GRIK1: variants seen among roughly 807,000 people sequenced by gnomAD.
GRIK1 encodes the protein glutamate receptor ionotropic, kainate 1.
In GRIK1, 69 loss-of-function variants were observed where a neutral mutation model predicts 105.7. The observed-to-expected ratio is 0.65, with a 90% CI of 0.54 to 0.80. GRIK1 has a LOEUF of 0.80. Among genes scored for constraint, GRIK1 ranks in the 30% least tolerant of loss-of-function variants. GRIK1 has a pLI of 0.00. For missense variants in GRIK1, 1,109 were observed against 1,167.3 expected, an observed-to-expected ratio of 0.95 and a Z score of 0.73; for synonymous variants, 438 against 431.3, an observed-to-expected ratio of 1.02 and a Z score of -0.19.
chr21:29,706,927 A>G (rs573933697), intron 1 of GRIK1, among the ~76,000 whole-genome samples: 1 of 151,704 alleles, frequency 6.6e-6, no homozygotes, highest in Non-Finnish European at 1.5e-5. Flanking sequence ...TGCAGTGGTG[A>G]GATCTCAGCT....
intron 6 of GRIK1, among the ~76,000 whole-genome samples, chr21:29,648,361 ATTATT>A (rs988698900): frequency 2.6e-5 from 4 of 152,198 alleles, no homozygotes; most frequent in African/African-American, 9.7e-5. Context: ...AAAAAACACT[ATTATT>A]TTAAAGTAAT....
At chr21:29,845,479 C>A (rs1399587792) in intron 1 of GRIK1, among the ~76,000 whole-genome samples, 1 of 151,980 alleles carries the variant, frequency 6.6e-6, no homozygotes, top group African/African-American at 2.4e-5. Flanking sequence ...ATGTGGCTTT[C>A]TTTCTCTCAA....
chr21:29,789,479 T>C (rs1486087608), intron 1 of GRIK1, among the ~76,000 whole-genome samples: 1 of 152,196 alleles, frequency 6.6e-6, no homozygotes, highest in Non-Finnish European at 1.5e-5. Flanking sequence ...TGTTTAACTG[T>C]CCGATCAAGC....
chr21:29,578,762 G>T (rs2090951504), intron 13 of GRIK1, among the ~76,000 whole-genome samples: 1 of 151,980 alleles, frequency 6.6e-6, no homozygotes, highest in Non-Finnish European at 1.5e-5. Flanking sequence ...ATGCCTGTGG[G>T]TGTGTGTGTG....
intron 1 of GRIK1, among the ~76,000 whole-genome samples, chr21:29,867,799 AGAAAGAAAGAAAGAAAGAAT>A (rs1310131943): frequency 2.1e-5 from 3 of 144,010 alleles, no homozygotes; most frequent in South Asian, 2.3e-4. Flanking sequence ...TGTCGAAAGA[AGAAAGAAAGAAAGAAAGAAT>A]GAAAGAAAGA....
At chr21:29,827,615 G>A (rs756607798) in intron 1 of GRIK1, among the ~76,000 whole-genome samples, 1 of 151,900 alleles carries the variant, frequency 6.6e-6, no homozygotes, top group Admixed American at 6.6e-5. Flanking sequence ...TTAGATCAAC[G>A]TAAAAAGACT....
chr21:29,897,660 G>A (rs1009790307), intron 1 of GRIK1, among the ~76,000 whole-genome samples: 1 of 152,204 alleles, frequency 6.6e-6, no homozygotes, highest in Non-Finnish European at 1.5e-5. Context: ...TCCAGGACTT[G>A]GAGTGAATTA....
intron 14 of GRIK1, among the ~76,000 whole-genome samples, chr21:29,568,640 A>G (rs2090666302): frequency 6.6e-6 from 1 of 152,212 alleles, no homozygotes; most frequent in Non-Finnish European, 1.5e-5. Flanking sequence ...GTGATTTGTT[A>G]CAAGGCAAGC....
At chr21:29,607,231 TC>T (rs2061641515) in intron 7 of GRIK1, among the ~76,000 whole-genome samples, 1 of 152,146 alleles carries the variant, frequency 6.6e-6, no homozygotes, top group Non-Finnish European at 1.5e-5. Context: ...AAACCTGGTT[TC>T]TTAGCACTTT....
At chr21:29,765,313 T>G (rs1031822086) in intron 1 of GRIK1, among the ~76,000 whole-genome samples, 1 of 152,162 alleles carries the variant, frequency 6.6e-6, no homozygotes, top group African/African-American at 2.4e-5. Context: ...TGCTTGCTTT[T>G]ATGAGTAGAG....
chr21:29,562,420 C>T (rs531678865), intron 14 of GRIK1, among the ~76,000 whole-genome samples: 1 of 152,216 alleles, frequency 6.6e-6, no homozygotes, highest in East Asian at 1.9e-4. Flanking sequence ...TTTGGGAGGC[C>T]GAGGTGGGCA....
chr21:29,794,992 C>T (rs2066517104), intron 1 of GRIK1, among the ~76,000 whole-genome samples: 1 of 149,004 alleles, frequency 6.7e-6, no homozygotes, highest in East Asian at 2.0e-4. Flanking sequence ...GGCTGTCACT[C>T]AGGAAGCTCC....
intron 1 of GRIK1, among the ~76,000 whole-genome samples, chr21:29,787,097 C>T (rs1479865538): frequency 6.6e-6 from 1 of 152,144 alleles, no homozygotes; most frequent in Admixed American, 6.5e-5. Flanking sequence ...ATTGTCTGTG[C>T]TCAAGCAGGC....
intron 15 of GRIK1, among the ~76,000 whole-genome samples, chr21:29,556,855 A>G (rs1330026287): frequency 6.6e-6 from 1 of 152,248 alleles, no homozygotes; most frequent in Non-Finnish European, 1.5e-5. Flanking sequence ...AGAAATTAAC[A>G]TTGAATGTGT....
rs142803773 is a variant in GRIK1 at position 29,817,738 on chromosome 21, A to G, written c.118+121645T>C. Among the ~76,000 whole-genome samples, 975 of 152,270 alleles carry G rather than the reference A, an allele frequency of 6.4e-3. 12 individuals carry two copies. The highest frequency in any genetic ancestry group is 0.022 in the African/African-American group (911 of 41,570). Reference sequence around the variant, plus strand: ...CTGCAGCCACCATGAAATGGGATCAATAAATTAATGTTTGCTTTTGCAAAT... The same window carrying G: ...CTGCAGCCACCATGAAATGGGATCAGTAAATTAATGTTTGCTTTTGCAAAT... On this transcript the variant is annotated intron_variant, in intron 1 of 17. Coordinates refer to ENST00000327783, the MANE Select transcript of GRIK1 (RefSeq NM_001330994.2).
chr21:29,601,920 CA>C (rs1323451968), intron 7 of GRIK1, among the ~76,000 whole-genome samples: 3 of 118,322 alleles, frequency 2.5e-5, no homozygotes, highest in Non-Finnish European at 5.2e-5. Context: ...TAATTTGTTC[CA>C]AAACAAAATT....
At chr21:29,848,107 A>G (rs1238632656) in intron 1 of GRIK1, among the ~76,000 whole-genome samples, 1 of 152,188 alleles carries the variant, frequency 6.6e-6, no homozygotes, top group African/African-American at 2.4e-5. Flanking sequence ...AGCCAATTCA[A>G]GTCCAATAAT....
chr21:29,702,434 C>T (rs1601489788), intron 1 of GRIK1, among the ~76,000 whole-genome samples: 1 of 152,254 alleles, frequency 6.6e-6, no homozygotes, highest in East Asian at 1.9e-4. Flanking sequence ...CATTTAAAGC[C>T]ATGAGACTGA....
At chr21:29,653,856 G>A (rs1358222874) in intron 5 of GRIK1, among the ~76,000 whole-genome samples, 1 of 152,134 alleles carries the variant, frequency 6.6e-6, no homozygotes, top group East Asian at 1.9e-4. Flanking sequence ...ATGCTCAGTA[G>A]CAGTAATGAT....
Sources: allele counts gnomAD v4.1 joint callset (sites outside exome capture counted in the v4.1 genomes callset), GRCh38; gene constraint gnomAD v4.1.1; transcripts MANE v1.5; gene names NCBI Gene and HGNC (gene_info 2026-07-23, HGNC 2026-07-21).